DOP1B: variants seen among roughly 807,000 people sequenced by gnomAD.
DOP1B encodes protein DOP1B.
Under a neutral mutation model 233.5 loss-of-function variants are expected in DOP1B, and 174 were observed. That is an observed-to-expected ratio of 0.75 (90% CI 0.66 to 0.85). The LOEUF is 0.85. DOP1B is among the 40% of genes least tolerant of loss of function. DOP1B has a pLI of 0.00. For missense variants in DOP1B, 2,652 were observed against 2,846.6 expected, an observed-to-expected ratio of 0.93 and a Z score of 1.56; for synonymous variants, 1,190 against 1,185.6, an observed-to-expected ratio of 1.00 and a Z score of -0.08.
intron 2 of DOP1B, among the ~76,000 whole-genome samples, chr21:36,192,441 A>G (rs1230465591): frequency 1.4e-5 from 2 of 147,850 alleles, no homozygotes; most frequent in African/African-American, 2.5e-5. Flanking sequence ...GTACAGTGGC[A>G]TGATCACAGC....
At chr21:36,178,558 T>G (rs1200206970) in intron 2 of DOP1B, among the ~76,000 whole-genome samples, 1 of 152,198 alleles carries the variant, frequency 6.6e-6, no homozygotes, top group Non-Finnish European at 1.5e-5. Flanking sequence ...GCACCTTGAT[T>G]GCGGACTCCC....
intron 35 of DOP1B, among the ~76,000 whole-genome samples, chr21:36,291,810 G>A (rs1385116620): frequency 2.0e-5 from 3 of 152,148 alleles, no homozygotes; most frequent in Non-Finnish European, 2.9e-5. Context: ...GTATGATTCT[G>A]CTTATATGGA....
chr21:36,168,858 A>G, intron 2 of DOP1B: 1 of 362,560 alleles, frequency 2.8e-6, no homozygotes, highest in South Asian at 3.0e-5. Context: ...AAAAATGATA[A>G]CCATCCTAGT....
rs2066854033 is a variant in DOP1B at position 36,238,601 on chromosome 21, G to A, written c.2776G>A (p.Gly926Arg). ...CACTCCCATGTATCTCCTCATCAAG[G>A]GAACAAGGCTGGAAGCTCTGTTTAG... ...ICHALLDPDK[G>R]TRLEALFRFS... Residue 926 changes from glycine (G) to arginine (R), a missense_variant and splice_region_variant, in exon 17 of 37, where the codon GGA becomes AGA. Coordinates refer to ENST00000691173, the MANE Select transcript of DOP1B (RefSeq NM_001320714.2). 1.9e-6 allele frequency: 3 copies of A among 1,614,192 alleles called. No homozygotes were observed. In the East Asian group the frequency reaches 6.7e-5, roughly 36 times the overall value.
chr21:36,274,576 G>T (rs1182468493), intron 27 of DOP1B, among the ~76,000 whole-genome samples: 4 of 152,258 alleles, frequency 2.6e-5, no homozygotes, highest in African/African-American at 7.2e-5. Context: ...AGTCTGGGAG[G>T]AGACAATGTG....
At chr21:36,283,839 A>G (rs1417650152) in intron 32 of DOP1B, among the ~76,000 whole-genome samples, 1 of 151,744 alleles carries the variant, frequency 6.6e-6, no homozygotes, top group Non-Finnish European at 1.5e-5. Context: ...CAGTAAGCCT[A>G]CTTTCTCAGT....
chr21:36,261,823 A>G (rs1216843468), intron 24 of DOP1B: 1 of 514,686 alleles, frequency 1.9e-6, no homozygotes, highest in Non-Finnish European at 2.5e-6. Context: ...AGGCAGGTGA[A>G]TCACTTGAAC....
At chr21:36,221,940 C>T (rs889856601) in intron 10 of DOP1B, among the ~76,000 whole-genome samples, 3 of 152,058 alleles carry the variant, frequency 2.0e-5, no homozygotes, top group African/African-American at 4.8e-5. Context: ...GGCGCCATCT[C>T]GGCTCATTGC....
intron 32 of DOP1B, among the ~76,000 whole-genome samples, chr21:36,286,499 G>T (rs2067484999): frequency 6.6e-6 from 1 of 151,902 alleles, no homozygotes; most frequent in Non-Finnish European, 1.5e-5. Flanking sequence ...AGCTGGGTGT[G>T]GTGGTGGGTG....
chr21:36,211,426 C>A, intron 5 of DOP1B, 127 bp from the exon 6 acceptor site: 1 of 801,566 alleles, frequency 1.2e-6, no homozygotes. Context: ...CCCTCCTGAC[C>A]TGTGGCTGCT....
intron 2 of DOP1B, chr21:36,170,266 A>G (rs570175602): frequency 8.9e-6 from 3 of 337,180 alleles, no homozygotes; most frequent in Admixed American, 9.1e-5. Context: ...GCACCTTTTC[A>G]TATGCTTTTT....
intron 2 of DOP1B, among the ~76,000 whole-genome samples, chr21:36,189,576 G>A (rs1418916089): frequency 3.3e-5 from 5 of 151,926 alleles, no homozygotes; most frequent in Non-Finnish European, 5.9e-5. Flanking sequence ...TGGGCGTGCT[G>A]GTGCACGCCT....
chr21:36,258,391 C>A (rs1257990010), intron 23 of DOP1B, among the ~76,000 whole-genome samples: 1 of 152,096 alleles, frequency 6.6e-6, no homozygotes, highest in Non-Finnish European at 1.5e-5. Flanking sequence ...CAGAGCAAGA[C>A]CCTGTCTGAA....
At chr21:36,173,460 C>T (rs961174357) in intron 2 of DOP1B, among the ~76,000 whole-genome samples, 37 of 143,552 alleles carry the variant, frequency 2.6e-4, no homozygotes, top group African/African-American at 2.6e-4. Flanking sequence ...CTTGCTCTGT[C>T]GCCCAGGCTG....
At chr21:36,226,104 A>G (rs1010024687) in intron 12 of DOP1B, among the ~76,000 whole-genome samples, 3 of 152,148 alleles carry the variant, frequency 2.0e-5, no homozygotes, top group African/African-American at 7.2e-5. Flanking sequence ...AACATCCTTG[A>G]TTTGTCTAGA....
In DOP1B at chr21:36,212,066, C is replaced by A; in HGVS notation, c.873C>A (p.Ser291=). 1 of 1,613,336 alleles carries A rather than the reference C, an allele frequency of 6.2e-7. No individual in the cohort carries two copies. Residue 291 remains serine (S), a synonymous_variant, in exon 7 of 37, where the codon TCC becomes TCA. Transcript: ENST00000691173. The part of the protein sequence containing the change: ...ATQTLLRRDM[S]LNRRLYAWLL... ...AGACCCTACTGAGAAGGGACATGTC[C>A]CTGAACAGAAGACTGTATGCATGGT...
intron 11 of DOP1B, among the ~76,000 whole-genome samples, chr21:36,225,179 C>T (rs759640007): frequency 2.0e-5 from 3 of 151,922 alleles, no homozygotes; most frequent in Non-Finnish European, 4.4e-5. Flanking sequence ...AGTAGAATAA[C>T]GTTACTGGAA....
intron 32 of DOP1B, among the ~76,000 whole-genome samples, chr21:36,285,579 G>C (rs1015324324): frequency 6.6e-6 from 1 of 152,168 alleles, no homozygotes; most frequent in Non-Finnish European, 1.5e-5. Context: ...CACTCAGAGT[G>C]TCCTCTGCCA....
At chr21:36,229,097 A>G (rs1219720404) in intron 13 of DOP1B, among the ~76,000 whole-genome samples, 3 of 152,210 alleles carry the variant, frequency 2.0e-5, no homozygotes, top group Non-Finnish European at 1.5e-5. Flanking sequence ...TGGGCTAGTT[A>G]TAACTAGCCC....
Sources: allele counts gnomAD v4.1 joint callset (sites outside exome capture counted in the v4.1 genomes callset), GRCh38; gene constraint gnomAD v4.1.1; transcripts MANE v1.5; gene names NCBI Gene and HGNC (gene_info 2026-07-23, HGNC 2026-07-21).